The following CHD4 variants were observed in gnomAD, a reference collection of about 807,000 sequenced individuals.
CHD4 encodes chromodomain helicase DNA binding protein 4.
Under a neutral mutation model 235.5 loss-of-function variants are expected in CHD4, and 35 were observed. That is an observed-to-expected ratio of 0.15 (90% CI 0.11 to 0.20). The LOEUF is 0.20. Among genes scored for constraint, CHD4 ranks in the 10% least tolerant of loss-of-function variants. CHD4 has a pLI of 1.00. For missense variants in CHD4, 1,329 were observed against 2,432.3 expected, an observed-to-expected ratio of 0.55 and a Z score of 9.54; for synonymous variants, 900 against 850.2, an observed-to-expected ratio of 1.06 and a Z score of -1.02.
intron 25 of CHD4, chr12:6,587,110 T>G: frequency 2.4e-6 from 1 of 421,546 alleles, no homozygotes; most frequent in Non-Finnish European, 4.2e-6. Flanking sequence ...TTTGTAAGGT[T>G]TAATAAAACA....
chr12:6,602,530 GA>G (rs1565619721), intron 2 of CHD4, 33 bp from the exon 3 acceptor site: 8 of 1,606,382 alleles, frequency 5.0e-6, no homozygotes, highest in Non-Finnish European at 4.2e-6. Context: ...GGTAGGCAGG[GA>G]AAAGATCAAT....
chr12:6,590,410 G>A (rs535519630), intron 22 of CHD4, among the ~76,000 whole-genome samples: 6 of 152,240 alleles, frequency 3.9e-5, no homozygotes, highest in South Asian at 2.1e-4. Context: ...CTGCAGTTAC[G>A]TAAGTTATTA....
intron 37 of CHD4, among the ~76,000 whole-genome samples, chr12:6,576,847 T>C (rs1357889408): frequency 6.6e-6 from 1 of 152,192 alleles, no homozygotes; most frequent in Non-Finnish European, 1.5e-5. Flanking sequence ...TTTTTATCCC[T>C]GGGCACATCA....
intron 4 of CHD4, 66 bp from the exon 5 acceptor site, chr12:6,601,832 T>A: frequency 1.3e-6 from 2 of 1,568,962 alleles, no homozygotes; most frequent in Non-Finnish European, 1.8e-6. Flanking sequence ...AGCAAATTTG[T>A]GTGGAAAAAT....
Position 6,594,580 on chromosome 12 carries a change from A to C in CHD4, c.2192T>G (p.Met731Arg). 1 of 1,614,110 alleles carries C rather than the reference A, an allele frequency of 6.2e-7. No individual in the cohort carries two copies. The highest frequency in any genetic ancestry group is 8.5e-7 in the Non-Finnish European group (1 of 1,180,006). ...ATGGTLHPYQ[M>R]EGLNWLRFSW... ...GAAGCGCAACCAATTCAGGCCCTCC[A>C]TTTGATAGGGGTGCAGGGTTCCACC... Residue 731 changes from methionine (M) to arginine (R), a missense_variant, in exon 15 of 40, where the codon ATG becomes AGG. This residue lies in a region of CHD4 where 6 missense variants were observed against 52.6 expected (regional missense o/e 0.11). Transcript: ENST00000544040.
At chr12:6,585,382 A>G (rs1368398531) in intron 25 of CHD4, among the ~76,000 whole-genome samples, 1 of 151,688 alleles carries the variant, frequency 6.6e-6, no homozygotes, top group Non-Finnish European at 1.5e-5. Flanking sequence ...CCTCCCAGGT[A>G]CAAGTGATTC....
intron 29 of CHD4, 122 bp from the exon 30 acceptor site, chr12:6,582,403 C>G (rs1379203015): frequency 7.5e-7 from 1 of 1,331,608 alleles, no homozygotes; most frequent in Non-Finnish European, 1.0e-6. Context: ...GTAAAGCCCA[C>G]CACTGCACGG....
At chr12:6,574,869 C>A (rs943244309) in intron 37 of CHD4, among the ~76,000 whole-genome samples, 4 of 152,206 alleles carry the variant, frequency 2.6e-5, no homozygotes, top group Admixed American at 1.3e-4. Context: ...CAAGCTACAG[C>A]CTGTGGGCCA....
At chr12:6,587,003 C>T in intron 25 of CHD4, 1 of 179,360 alleles carries the variant, frequency 5.6e-6, no homozygotes, top group Non-Finnish European at 1.2e-5. Context: ...TGGTAGAGAC[C>T]CTGTCTCTTA....
At chr12:6,600,441 T>TGCCCCC in intron 8 of CHD4, 46 bp from the exon 9 acceptor site, 1 of 1,600,544 alleles carries the variant, frequency 6.2e-7, no homozygotes, top group Non-Finnish European at 8.5e-7. Context: ...AAAAACTACC[T>TGCCCCC]CCCCCCACCC....
chr12:6,598,641 T>C (rs903776707), intron 10 of CHD4, among the ~76,000 whole-genome samples: 1 of 152,128 alleles, frequency 6.6e-6, no homozygotes, highest in Admixed American at 6.5e-5. Flanking sequence ...AAACCCCGTC[T>C]CTACTAAAAA....
rs774036270 is a variant in CHD4, at chr12:6,600,551, G to A, written c.1046C>T (p.Thr349Ile). 103 of 1,606,360 alleles carry A rather than the reference G, an allele frequency of 6.4e-5. No homozygotes were observed. Among genetic ancestry groups the A allele is most frequent in the Non-Finnish European group, 8.4e-5 (99 of 1,177,656 alleles). ...SSRSRKKLRT[T>I]KKKKKGEEEV... is the part of the protein sequence containing the mutation. ...AAACACACCTTTCTTTTTCTTTTTAGTGGTTCGGAGTTTCTTGCGGCTGCG... is the reference window on the plus strand; with the variant it reads ...AAACACACCTTTCTTTTTCTTTTTAATGGTTCGGAGTTTCTTGCGGCTGCG... Residue 349 changes from threonine (T) to isoleucine (I), a missense_variant, in exon 8 of 40, where the codon ACT becomes ATT. Thr to Ile is a moderately conservative substitution (Grantham distance 89). This residue lies in a region of CHD4 where 160 missense variants were observed against 196.6 expected (regional missense o/e 0.81). Coordinates refer to ENST00000544040, the MANE Select transcript of CHD4 (RefSeq NM_001273.5).
intron 10 of CHD4, among the ~76,000 whole-genome samples, chr12:6,599,545 T>C (rs1592280561): frequency 6.6e-6 from 1 of 152,168 alleles, no homozygotes; most frequent in African/African-American, 2.4e-5. Context: ...TAGAAGAACA[T>C]TGCTTCATCT....
chr12:6,605,817 C>A (rs1384964817), intron 2 of CHD4, among the ~76,000 whole-genome samples: 1 of 152,204 alleles, frequency 6.6e-6, no homozygotes, highest in Non-Finnish European at 1.5e-5. Context: ...TAAAAATAAT[C>A]AGATAGAGTG....
intron 13 of CHD4, 31 bp from the exon 14 acceptor site, chr12:6,595,461 A>C: frequency 6.3e-7 from 1 of 1,591,968 alleles, no homozygotes; most frequent in Non-Finnish European, 8.6e-7. Context: ...ACAGCTGCCC[A>C]AAATCCTTTT....
intron 25 of CHD4, 96 bp downstream of exon 25, chr12:6,587,288 A>G: frequency 8.0e-7 from 1 of 1,244,998 alleles, no homozygotes; most frequent in Non-Finnish European, 1.1e-6. Context: ...GAATTTGCCT[A>G]CAGATATTTT....
intron 19 of CHD4, 79 bp from the exon 20 acceptor site, chr12:6,592,136 C>G (rs564874513): frequency 6.4e-7 from 1 of 1,554,722 alleles, no homozygotes; most frequent in Non-Finnish European, 8.8e-7. Flanking sequence ...CAACTGAGAT[C>G]TTTCTTCCAA....
At chr12:6,605,202 C>A (rs1453147153) in intron 2 of CHD4, among the ~76,000 whole-genome samples, 1 of 151,998 alleles carries the variant, frequency 6.6e-6, no homozygotes, top group Non-Finnish European at 1.5e-5. Context: ...GTGAATGATG[C>A]TGGATGAGAA....
intron 12 of CHD4, among the ~76,000 whole-genome samples, chr12:6,596,528 G>A (rs954251625): frequency 2.6e-5 from 4 of 151,462 alleles, no homozygotes; most frequent in East Asian, 3.9e-4. Context: ...GGCCGGGCGC[G>A]GTGGCTCACG....
Sources: allele counts gnomAD v4.1 joint callset (sites outside exome capture counted in the v4.1 genomes callset), GRCh38; gene constraint gnomAD v4.1.1; regional missense constraint gnomAD v4.1.1; transcripts MANE v1.5; gene names NCBI Gene and HGNC (gene_info 2026-07-23, HGNC 2026-07-21).